The following HS1BP3 variants were observed in gnomAD, a reference collection of about 807,000 sequenced individuals.
HS1BP3 encodes the protein HCLS1-binding protein 3.
Under a neutral mutation model 33.5 loss-of-function variants are expected in HS1BP3, and 32 were observed. That is an observed-to-expected ratio of 0.95 (90% CI 0.72 to 1.28). The LOEUF (loss-of-function observed/expected upper bound fraction) is 1.28. Among genes scored for constraint, HS1BP3 ranks in the 50% most tolerant of loss-of-function variants. HS1BP3 has a pLI of 0.00. For missense variants in HS1BP3, 486 were observed against 502.3 expected (o/e 0.97, Z 0.31); for synonymous variants, 187 against 209.2 (o/e 0.89, Z 0.92).
At chr2:20,592,007 C>A (rs183094008), downstream of HS1BP3, among the ~76,000 whole-genome samples, 74 of 152,268 alleles carry the variant, frequency 4.9e-4, no homozygotes, top group Non-Finnish European at 9.1e-4. Context: ...ACAGAACAGC[C>A]CCAGCATCCA....
intron 4 of HS1BP3, chr2:20,636,900 G>A (rs1208943708): frequency 6.6e-6 from 1 of 152,166 alleles, no homozygotes; most frequent in Non-Finnish European, 1.5e-5. Flanking sequence ...TCAGCACCTT[G>A]TCACACGGGT....
At position 20,641,080 on chromosome 2, in the gene HS1BP3, A is replaced by G. The variant is rs200096873; in HGVS notation, c.299T>C (p.Val100Ala). 8.1e-6 allele frequency: 13 copies of G among 1,614,068 alleles called. No homozygotes were observed. The highest frequency in any genetic ancestry group is 1.3e-5 in the African/African-American group (1 of 75,070). ...CCTCTCCCGGATGTCAGACTCCCCA[A>G]CAAACAGGACCTTCCTGGGTAGTGG... ...LPPLPRKVLF[V>A]GESDIRERRA... Residue 100 changes from valine (V) to alanine (A), a missense_variant, in exon 3 of 7, where the codon GTT (valine) becomes GCT (alanine). Coordinates refer to ENST00000304031, the MANE Select transcript of HS1BP3 (RefSeq NM_022460.4).
At chr2:20,577,382 G>A (rs1332771777) in intron 5 of HS1BP3, among the ~76,000 whole-genome samples, 2 of 152,118 alleles carry the variant, frequency 1.3e-5, no homozygotes, top group East Asian at 1.9e-4. Context: ...CCAACCATTG[G>A]CTGGGGAAGA....
At chr2:20,559,569 T>C (rs535608493), downstream of HS1BP3, among the ~76,000 whole-genome samples, 545 of 149,506 alleles carry the variant, frequency 3.6e-3, 5 homozygotes, top group African/African-American at 0.013. Flanking sequence ...TGGAGGTGGA[T>C]GGGTGGATGC....
At chr2:20,622,312 G>T (rs973258617) in intron 6 of HS1BP3, 1 of 1,304,270 alleles carries the variant, frequency 7.7e-7, no homozygotes, top group African/African-American at 1.5e-5. Context: ...GGCTCTTTTT[G>T]AATTTGTCTG....
chr2:20,606,312 C>T (rs1174292762), intron 2 of HS1BP3: 2 of 461,556 alleles, frequency 4.3e-6, no homozygotes, highest in South Asian at 1.8e-5. Flanking sequence ...GGTGCATCTC[C>T]ACCCTTGGTA....
intron 5 of HS1BP3, among the ~76,000 whole-genome samples, chr2:20,566,176 G>A (rs1693122982): frequency 6.6e-6 from 1 of 152,214 alleles, no homozygotes. Context: ...TTCACTCCTT[G>A]GGGAGCCCTT....
chr2:20,650,964 C>G (rs1378711612), intron 1 of HS1BP3, 68 bp downstream of exon 1: 10 of 1,208,698 alleles, frequency 8.3e-6, no homozygotes, highest in Non-Finnish European at 1.0e-5. Context: ...GGCGGCCTCC[C>G]CCCGCCTCTC....
intron 4 of HS1BP3, among the ~76,000 whole-genome samples, chr2:20,630,038 A>G (rs1030701849): frequency 1.3e-5 from 2 of 152,246 alleles, no homozygotes. Context: ...GTGTACATGC[A>G]TGGCAGAGGC....
At chr2:20,630,064 C>CCAGCTTAA (rs1694924264) in intron 4 of HS1BP3, among the ~76,000 whole-genome samples, 1 of 152,236 alleles carries the variant, frequency 6.6e-6, no homozygotes, top group African/African-American at 2.4e-5. Flanking sequence ...CTAGACACAG[C>CCAGCTTAA]CAGCTTAACT....
chr2:20,561,374 C>T (rs565251143), intron 5 of HS1BP3, among the ~76,000 whole-genome samples: 4 of 152,304 alleles, frequency 2.6e-5, no homozygotes, highest in African/African-American at 9.6e-5. Context: ...ATTTGCAGAA[C>T]AAATGGGTTA....
intron 5 of HS1BP3, among the ~76,000 whole-genome samples, chr2:20,565,197 C>T (rs1693096355): frequency 6.6e-6 from 1 of 152,196 alleles, no homozygotes; most frequent in Non-Finnish European, 1.5e-5. Context: ...GAGCTAGCCC[C>T]CAGCTCAGTG....
intron 4 of HS1BP3, among the ~76,000 whole-genome samples, chr2:20,632,038 A>G (rs1039680755): frequency 2.0e-5 from 3 of 152,234 alleles, no homozygotes; most frequent in African/African-American, 7.2e-5. Flanking sequence ...CCAGTTTAGT[A>G]GGACCATCCA....
At chr2:20,578,698 C>A (rs76115321) in intron 5 of HS1BP3, among the ~76,000 whole-genome samples, 3 of 152,146 alleles carry the variant, frequency 2.0e-5, no homozygotes, top group African/African-American at 4.8e-5. Flanking sequence ...AGGCACTGGG[C>A]GTAGGCAATC....
chr2:20,609,286 A>G (rs1031857847), intron 2 of HS1BP3, among the ~76,000 whole-genome samples: 1 of 152,224 alleles, frequency 6.6e-6, no homozygotes, highest in Admixed American at 6.5e-5. Context: ...ATGAGAACCC[A>G]CAGCAGCCTT....
At chr2:20,594,355 T>C (rs922801906) in intron 3 of HS1BP3, among the ~76,000 whole-genome samples, 3 of 152,078 alleles carry the variant, frequency 2.0e-5, no homozygotes, top group Admixed American at 1.3e-4. Context: ...AGGAGGTGAA[T>C]GGGTCTGAAA....
chr2:20,632,536 C>T (rs931331833), intron 4 of HS1BP3, among the ~76,000 whole-genome samples: 1 of 152,238 alleles, frequency 6.6e-6, no homozygotes, highest in African/African-American at 2.4e-5. Flanking sequence ...CTGTGTGATC[C>T]TGGGAAGGTT....
intron 5 of HS1BP3, among the ~76,000 whole-genome samples, chr2:20,572,592 T>C (rs931864006): frequency 2.0e-5 from 3 of 152,178 alleles, no homozygotes; most frequent in African/African-American, 7.2e-5. Context: ...AGCCTCAGTA[T>C]CCTTATCTGT....
chr2:20,613,809 G>A (rs916874372), downstream of HS1BP3, among the ~76,000 whole-genome samples: 10 of 152,230 alleles, frequency 6.6e-5, no homozygotes, highest in Non-Finnish European at 1.5e-4. Context: ...TGGCACAGGG[G>A]GCATGCCTTG....
Sources: gnomAD v4.1 joint callset for allele counts (sites outside exome capture counted in the v4.1 genomes callset) on GRCh38, gnomAD v4.1.1 for gene constraint, MANE v1.5 for transcripts, NCBI Gene and HGNC (gene_info 2026-07-23, HGNC 2026-07-21) for gene names.